The following PCDH11Y variants were observed in gnomAD, a reference collection of about 807,000 sequenced individuals.
PCDH11Y encodes protocadherin 11 Y-linked.
For synonymous variants in PCDH11Y, 9 were observed against 83.6 expected, an observed-to-expected ratio of 0.11 and a Z score of 4.87; for missense variants, 12 against 224.8, an observed-to-expected ratio of 0.05 and a Z score of 6.05.
intron 2 of PCDH11Y, among the ~76,000 whole-genome samples, chrY:5,203,038 G>A: frequency 3.2e-5 from 1 of 31,242 alleles, no homozygotes; most frequent in Admixed American, 2.9e-4. Flanking sequence ...GATAAGCATG[G>A]TTAGATCAAA....
chrY:5,007,039 G>A (rs207480096), intron 1 of PCDH11Y, among the ~76,000 whole-genome samples: 3 of 33,496 alleles, frequency 9.0e-5, no homozygotes, highest in Admixed American at 2.7e-4. Context: ...GCACCAAAAC[G>A]TGGGAAAAAG....
intron 2 of PCDH11Y, among the ~76,000 whole-genome samples, chrY:5,122,240 GAGTAGTAGACTGGTTTCATCTCGA>G (rs2052819043): frequency 6.0e-5 from 2 of 33,070 alleles, no homozygotes; most frequent in African/African-American, 2.4e-4. Context: ...CTCCATTGTG[GAGTAGTAGACTGGTTTCATCTCGA>G]TAGTCGGGGT....
intron 4 of PCDH11Y, among the ~76,000 whole-genome samples, chrY:5,599,529 G>A: frequency 3.0e-5 from 1 of 33,118 alleles, no homozygotes; most frequent in African/African-American, 1.2e-4. Context: ...TATCACAAAT[G>A]CTCAATATAT....
chrY:5,328,841 G>A, intron 2 of PCDH11Y, among the ~76,000 whole-genome samples: 11 of 31,488 alleles, frequency 3.5e-4, no homozygotes, highest in Admixed American at 3.3e-3. Context: ...GGAGAGGTCA[G>A]ATGGGTCTGT....
intron 2 of PCDH11Y, among the ~76,000 whole-genome samples, chrY:5,420,010 G>A: frequency 3.1e-5 from 1 of 31,962 alleles, no homozygotes; most frequent in Admixed American, 2.9e-4. Context: ...AGAGGAAGCT[G>A]GCATATGCAT....
At chrY:5,734,061 G>A (rs2053607671) in intron 4 of PCDH11Y, among the ~76,000 whole-genome samples, 6 of 32,811 alleles carry the variant, frequency 1.8e-4, no homozygotes, top group African/African-American at 7.2e-4. Flanking sequence ...GCCAACAAGG[G>A]GGGTGTTGCT....
At chrY:5,598,079 TTG>T (rs2053469407) in intron 4 of PCDH11Y, among the ~76,000 whole-genome samples, 1 of 32,253 alleles carries the variant, frequency 3.1e-5, no homozygotes, top group Non-Finnish European at 7.6e-5. Context: ...ATTTTTGAAA[TTG>T]TTTCTTTAAA....
chrY:5,063,745 G>A (rs2052680009), intron 1 of PCDH11Y, among the ~76,000 whole-genome samples: 1 of 32,241 alleles, frequency 3.1e-5, no homozygotes, highest in Non-Finnish European at 7.6e-5. Flanking sequence ...ATTAAATAAC[G>A]CAGAACTTAA....
chrY:5,321,201 G>T, intron 2 of PCDH11Y, among the ~76,000 whole-genome samples: 2 of 32,847 alleles, frequency 6.1e-5, no homozygotes, highest in Non-Finnish European at 1.5e-4. Flanking sequence ...AAGGAGAAAG[G>T]CACGTCTTTC....
intron 2 of PCDH11Y, among the ~76,000 whole-genome samples, chrY:5,123,989 A>G: frequency 3.0e-5 from 1 of 33,428 alleles, no homozygotes; most frequent in South Asian, 6.8e-4. Flanking sequence ...GAGTTTGAAG[A>G]AGCCATTAAG....
intron 4 of PCDH11Y, among the ~76,000 whole-genome samples, chrY:5,654,188 C>T (rs2124706543): frequency 3.0e-5 from 1 of 33,025 alleles, no homozygotes; most frequent in South Asian, 6.8e-4. Flanking sequence ...GAGATACCAT[C>T]TCACACCAGT....
chrY:5,413,261 C>A, intron 2 of PCDH11Y, among the ~76,000 whole-genome samples: 1 of 33,198 alleles, frequency 3.0e-5, no homozygotes, highest in African/African-American at 1.2e-4. Flanking sequence ...AGATCTGAGT[C>A]CTGAAGACCT....
At chrY:5,198,924 C>T in intron 2 of PCDH11Y, among the ~76,000 whole-genome samples, 2 of 33,148 alleles carry the variant, frequency 6.0e-5, no homozygotes, top group Non-Finnish European at 1.5e-4. Context: ...GTGGTTGTGA[C>T]TGTTTTGCAA....
chrY:5,519,954 C>T, intron 3 of PCDH11Y, among the ~76,000 whole-genome samples: 3 of 22,786 alleles, frequency 1.3e-4, no homozygotes, highest in Admixed American at 4.3e-4. Flanking sequence ...TGGCTCACGC[C>T]TGTAATCCCA....
intron 2 of PCDH11Y, among the ~76,000 whole-genome samples, chrY:5,320,738 C>A (rs2053111782): frequency 3.0e-5 from 1 of 33,547 alleles, no homozygotes; most frequent in Non-Finnish European, 7.4e-5. Flanking sequence ...TTCCAAAATG[C>A]AAGTCACTTG....
At chrY:5,651,864 T>A (rs1602956281) in intron 4 of PCDH11Y, among the ~76,000 whole-genome samples, 1 of 26,886 alleles carries the variant, frequency 3.7e-5, no homozygotes, top group East Asian at 9.7e-4. Context: ...CTCCTTCATT[T>A]AAAAAAAAAA....
intron 2 of PCDH11Y, among the ~76,000 whole-genome samples, chrY:5,415,825 T>A (rs2053252431): frequency 3.1e-5 from 1 of 32,730 alleles, no homozygotes; most frequent in Non-Finnish European, 7.5e-5. Flanking sequence ...CCCATGGGGA[T>A]CATGGGGTCT....
chrY:5,122,412 C>G, intron 2 of PCDH11Y, among the ~76,000 whole-genome samples: 1 of 32,660 alleles, frequency 3.1e-5, no homozygotes, highest in African/African-American at 1.2e-4. Context: ...CAGCATTCCT[C>G]CCTCTGGAGT....
intron 3 of PCDH11Y, among the ~76,000 whole-genome samples, chrY:5,571,837 A>AT (rs2053439476): frequency 4.3e-5 from 1 of 23,321 alleles, no homozygotes; most frequent in East Asian, 1.1e-3. Context: ...AGCCTTTATC[A>AT]TTTTTTTGTT....
Sources: gnomAD v4.1 joint callset for allele counts (sites outside exome capture counted in the v4.1 genomes callset) on GRCh38, gnomAD v4.1.1 for gene constraint, MANE v1.5 for transcripts, NCBI Gene and HGNC (gene_info 2026-07-23, HGNC 2026-07-21) for gene names.